CNTNAP4: variants seen among roughly 807,000 people sequenced by gnomAD.
The protein encoded by CNTNAP4 is contactin associated protein family member 4, also known as contactin-associated protein-like 4.
In CNTNAP4, 98 loss-of-function variants were observed where a neutral mutation model predicts 148.4. The ratio of observed to expected loss-of-function variants is 0.66; its 90% CI spans 0.56 to 0.78. CNTNAP4 has a LOEUF of 0.78. Among genes scored for constraint, CNTNAP4 ranks in the 30% least tolerant of loss-of-function variants. The pLI, the probability that CNTNAP4 is intolerant of heterozygous loss-of-function variation, is 0.00. For missense variants in CNTNAP4, 1,935 were observed against 1,565.6 expected (o/e 1.24, Z -3.98); for synonymous variants, 730 against 565.1 (o/e 1.29, Z -4.14).
At chr16:76,541,099 A>G (rs1382590042) in intron 21 of CNTNAP4, among the ~76,000 whole-genome samples, 1 of 152,210 alleles carries the variant, frequency 6.6e-6, no homozygotes, top group Non-Finnish European at 1.5e-5. Context: ...AATAAAAAAT[A>G]ACAAAGTATG....
chr16:76,527,912 A>G (rs1300639552), intron 17 of CNTNAP4, among the ~76,000 whole-genome samples: 1 of 152,186 alleles, frequency 6.6e-6, no homozygotes, highest in Non-Finnish European at 1.5e-5. Flanking sequence ...TTTATAATAT[A>G]GGACAAGACT....
At chr16:76,357,049 A>C (rs957226693) in intron 3 of CNTNAP4, among the ~76,000 whole-genome samples, 2 of 145,192 alleles carry the variant, frequency 1.4e-5, no homozygotes, top group Non-Finnish European at 3.0e-5. Flanking sequence ...AAACAAAACA[A>C]CAAAACAAAA....
chr16:76,383,828 G>T (rs138648541), intron 3 of CNTNAP4, among the ~76,000 whole-genome samples: 1 of 152,072 alleles, frequency 6.6e-6, no homozygotes, highest in Admixed American at 6.5e-5. Context: ...AGGGGACATG[G>T]GTGTAGGCGA....
intron 2 of CNTNAP4, among the ~76,000 whole-genome samples, chr16:76,334,740 G>T (rs1963871307): frequency 6.6e-6 from 1 of 152,016 alleles, no homozygotes; most frequent in African/African-American, 2.4e-5. Context: ...CAAAACCCAT[G>T]TATTTTTTAG....
chr16:76,415,732 G>C (rs2078950026), intron 3 of CNTNAP4, among the ~76,000 whole-genome samples: 1 of 150,746 alleles, frequency 6.6e-6, no homozygotes, highest in African/African-American at 2.4e-5. Flanking sequence ...CCCTGACCCT[G>C]GAAATAATCA....
At chr16:76,509,569 A>G (rs1327692818) in intron 15 of CNTNAP4, among the ~76,000 whole-genome samples, 1 of 97,648 alleles carries the variant, frequency 1.0e-5, no homozygotes, top group African/African-American at 2.6e-5. Flanking sequence ...ACAAAAAAAG[A>G]TTATGCGCGT....
At position 76,465,078 on chromosome 16, in the gene CNTNAP4, C is replaced by T. The variant is rs144246929; in HGVS notation, c.1484-2274C>T. On this transcript the variant is annotated intron_variant, in intron 9 of 23. Coordinates refer to ENST00000611870, the MANE Select transcript of CNTNAP4 (RefSeq NM_033401.5). ...AAACATTCTCCATCCAATGAACTGA[C>T]TACAGCACTGTGAAGTCTAACCTGA... Among the ~76,000 whole-genome samples the T allele has an allele frequency of 1.5e-3, 225 of 152,314 alleles. 1 individual carries two copies. Among genetic ancestry groups the T allele is most frequent in the African/African-American group, 5.3e-3 (220 of 41,576 alleles).
intron 1 of CNTNAP4, among the ~76,000 whole-genome samples, chr16:76,302,690 A>T (rs918030996): frequency 6.6e-6 from 1 of 152,188 alleles, no homozygotes; most frequent in Non-Finnish European, 1.5e-5. Context: ...ATAACATAAC[A>T]TAAGCACAGG....
intron 13 of CNTNAP4, 69 bp from the exon 14 acceptor site, chr16:76,494,841 G>T (rs1228083230): frequency 5.6e-6 from 8 of 1,428,088 alleles, no homozygotes; most frequent in Admixed American, 4.2e-5. Context: ...TGGAAGAAAA[G>T]GAATTATATT....
At chr16:76,506,300 C>A (rs1427721014) in intron 15 of CNTNAP4, among the ~76,000 whole-genome samples, 1 of 93,710 alleles carries the variant, frequency 1.1e-5, no homozygotes, top group Non-Finnish European at 3.0e-5. Context: ...GATTTCCACT[C>A]CTTATCCCAG....
chr16:76,458,628 G>A (rs115934698), intron 8 of CNTNAP4, among the ~76,000 whole-genome samples: 2,881 of 152,206 alleles, frequency 0.019, 90 homozygotes, highest in African/African-American at 0.066. Context: ...ATCTAATGCT[G>A]CCAGTGATCT....
chr16:76,295,301 A>G (rs550906799), intron 1 of CNTNAP4, among the ~76,000 whole-genome samples: 2 of 152,350 alleles, frequency 1.3e-5, no homozygotes, highest in Non-Finnish European at 2.9e-5. Context: ...GTGCAGAAGG[A>G]CAAAAATGTT....
intron 17 of CNTNAP4, among the ~76,000 whole-genome samples, chr16:76,527,203 G>A (rs1347169563): frequency 6.6e-6 from 1 of 152,110 alleles, no homozygotes; most frequent in East Asian, 1.9e-4. Flanking sequence ...CTTCTCAGCA[G>A]TAAATTGGGC....
At chr16:76,333,919 G>C (rs1042930727) in intron 2 of CNTNAP4, among the ~76,000 whole-genome samples, 4 of 150,042 alleles carry the variant, frequency 2.7e-5, no homozygotes, top group Admixed American at 1.3e-4. Context: ...TACAGCACCT[G>C]TTGTTTCCTG....
intron 3 of CNTNAP4, among the ~76,000 whole-genome samples, chr16:76,371,413 G>A (rs779916820): frequency 3.3e-5 from 5 of 152,150 alleles, no homozygotes; most frequent in Non-Finnish European, 7.3e-5. Flanking sequence ...AGCCTCCTGA[G>A]TAGCTGGGAT....
intron 4 of CNTNAP4, among the ~76,000 whole-genome samples, chr16:76,438,494 ATTG>A (rs1369318114): frequency 1.9e-3 from 285 of 152,226 alleles, no homozygotes; most frequent in African/African-American, 6.4e-3. Flanking sequence ...CCACAAGAGT[ATTG>A]CCTTGGGAGT....
At chr16:76,321,838 G>A (rs1275195122) in intron 2 of CNTNAP4, among the ~76,000 whole-genome samples, 2 of 149,196 alleles carry the variant, frequency 1.3e-5, no homozygotes, top group Admixed American at 1.3e-4. Context: ...TAAAATGATA[G>A]TATTAATATA....
chr16:76,354,551 G>GCA (rs1176041055), intron 2 of CNTNAP4, among the ~76,000 whole-genome samples: 1 of 152,132 alleles, frequency 6.6e-6, no homozygotes, highest in Non-Finnish European at 1.5e-5. Context: ...TGGGGTGAGG[G>GCA]CAGGTGCTTA....
chr16:76,288,088 T>C (rs562625803), intron 1 of CNTNAP4, among the ~76,000 whole-genome samples: 2 of 152,176 alleles, frequency 1.3e-5, no homozygotes, highest in Non-Finnish European at 2.9e-5. Flanking sequence ...CAGGTGGAGA[T>C]AATTGAACCA....
Sources: gnomAD v4.1 joint callset for allele counts (sites outside exome capture counted in the v4.1 genomes callset) on GRCh38, gnomAD v4.1.1 for gene constraint, MANE v1.5 for transcripts, NCBI Gene and HGNC (gene_info 2026-07-23, HGNC 2026-07-21) for gene names.